The following ST7 variants were observed in gnomAD, a reference collection of about 807,000 sequenced individuals.
ST7 encodes suppression of tumorigenicity 7.
Under a neutral mutation model 78.7 loss-of-function variants are expected in ST7, and 28 were observed. That is an observed-to-expected ratio of 0.36 (90% CI 0.26 to 0.49). ST7 has a LOEUF of 0.49. Among genes scored for constraint, ST7 ranks in the 20% least tolerant of loss-of-function variants. The pLI is 0.99. For missense variants in ST7, 418 were observed against 696.0 expected, an observed-to-expected ratio of 0.60 and a Z score of 4.49; for synonymous variants, 247 against 249.6, an observed-to-expected ratio of 0.99 and a Z score of 0.10.
At chr7:117,099,046 CAAAAAAAAAA>C (rs754881472) in intron 1 of ST7, among the ~76,000 whole-genome samples, 1 of 30,830 alleles carries the variant, frequency 3.2e-5, no homozygotes, top group African/African-American at 1.7e-4. Flanking sequence ...CTCACTTTCG[CAAAAAAAAAA>C]AAAAAAAAAC....
At chr7:116,987,746 C>A (rs917457244) in intron 1 of ST7, among the ~76,000 whole-genome samples, 5 of 152,176 alleles carry the variant, frequency 3.3e-5, no homozygotes, top group Non-Finnish European at 7.3e-5. Flanking sequence ...TCTTTTGACA[C>A]GGAGTCTCAC....
intron 12 of ST7, 129 bp downstream of exon 12, chr7:117,191,065 T>G (rs1809729154): frequency 1.4e-6 from 1 of 727,176 alleles, no homozygotes; most frequent in Non-Finnish European, 2.3e-6. Flanking sequence ...TGAGACCCTG[T>G]ATAATGTATG....
At chr7:117,084,267 TAG>T (rs1270477005) in intron 1 of ST7, among the ~76,000 whole-genome samples, 6 of 152,106 alleles carry the variant, frequency 3.9e-5, no homozygotes, top group Non-Finnish European at 1.5e-5. Flanking sequence ...GGTGGCAGTG[TAG>T]AGTTTGGGTT....
In ST7 at chr7:117,189,334, A is replaced by G; in HGVS notation, c.1092A>G (p.Pro364=). 1 of 1,609,016 alleles carries G rather than the reference A, an allele frequency of 6.2e-7. No homozygotes were observed. The highest frequency in any genetic ancestry group is 1.1e-5 in the South Asian group (1 of 90,116). Residue 364 remains proline, a synonymous_variant, in exon 11 of 16, where the codon CCA becomes CCG. Transcript: ENST00000323984. ...VLAKYDDISL[P]KSATICYTAA... ...TTTCTCCAACAGATATAAGCTTACCAAAGTCAGCAACAATATGCTACACAG... is the reference window on the plus strand; with the variant it reads ...TTTCTCCAACAGATATAAGCTTACCGAAGTCAGCAACAATATGCTACACAG...
intron 1 of ST7, chr7:116,972,127 T>C: frequency 1.8e-6 from 1 of 551,134 alleles, no homozygotes; most frequent in East Asian, 4.0e-5. Flanking sequence ...AGAGTCAGGG[T>C]CAGAGGGAGG....
intron 1 of ST7, among the ~76,000 whole-genome samples, chr7:116,969,354 G>T (rs1585061717): frequency 6.6e-6 from 1 of 152,174 alleles, no homozygotes. Context: ...TACCAGTCAA[G>T]AATTTTTTAG....
chr7:117,137,267 A>G (rs1017034920), intron 8 of ST7: 1 of 152,172 alleles, frequency 6.6e-6, no homozygotes, highest in Non-Finnish European at 1.5e-5. Flanking sequence ...GTATGTCCTC[A>G]CATGTACCAC....
intron 12 of ST7, among the ~76,000 whole-genome samples, chr7:117,194,626 T>C (rs534929323): frequency 4.6e-5 from 7 of 152,352 alleles, no homozygotes; most frequent in Admixed American, 4.6e-4. Context: ...TTTAATGGGA[T>C]TAAAATAGCT....
intron 1 of ST7, among the ~76,000 whole-genome samples, chr7:117,021,619 T>G (rs566386481): frequency 2.0e-5 from 3 of 152,340 alleles, no homozygotes; most frequent in South Asian, 2.1e-4. Context: ...TGTTTGTGCA[T>G]AGCTGATTAT....
In ST7 at chr7:116,953,828, G is replaced by C. The variant is rs997140012; in HGVS notation, c.151+137G>C. On this transcript the variant is annotated intron_variant, in intron 1 of 15. Transcript: ENST00000323984. ...GCGCACCGGAGGCCCGCGGCTACCCGCCAGCAACGCGGCGGCTTAGGCGGC... is the reference window on the plus strand; with the variant it reads ...GCGCACCGGAGGCCCGCGGCTACCCCCCAGCAACGCGGCGGCTTAGGCGGC... 8 of 480,874 alleles carry C rather than the reference G, an allele frequency of 1.7e-5. No homozygotes were observed. The African/African-American group carries it at 1.7e-4, about 10-fold the overall frequency. 29.8% of individuals were successfully genotyped at this position (480,874 alleles called of 1,614,324 possible). A position where few individuals can be genotyped will look rare whatever the true frequency, so the allele number is the denominator to read the frequency against.
intron 6 of ST7, among the ~76,000 whole-genome samples, chr7:117,133,739 G>T (rs1233111243): frequency 6.6e-6 from 1 of 151,572 alleles, no homozygotes; most frequent in African/African-American, 2.4e-5. Context: ...TAGCTCTCCT[G>T]ACATTATTCT....
chr7:117,221,737 G>A (rs986885962), intron 14 of ST7, among the ~76,000 whole-genome samples, 186 bp from the exon 15 acceptor site: 2 of 152,094 alleles, frequency 1.3e-5, no homozygotes, highest in Non-Finnish European at 2.9e-5. Flanking sequence ...GGAGACTTGC[G>A]ACCAGCAGAT....
At chr7:117,024,797 T>C (rs1352477641) in intron 1 of ST7, among the ~76,000 whole-genome samples, 1 of 152,138 alleles carries the variant, frequency 6.6e-6, no homozygotes. Context: ...CTCCCTGCCA[T>C]TCCCTGGATA....
chr7:117,196,162 A>C (rs898417233), intron 12 of ST7, among the ~76,000 whole-genome samples: 2 of 152,198 alleles, frequency 1.3e-5, no homozygotes, highest in Non-Finnish European at 2.9e-5. Context: ...TTATCCACTC[A>C]TCTGTCCATG....
At chr7:117,009,220 T>C (rs1795275565) in intron 1 of ST7, among the ~76,000 whole-genome samples, 1 of 151,484 alleles carries the variant, frequency 6.6e-6, no homozygotes, top group Admixed American at 6.6e-5. Context: ...ATGCTACAGC[T>C]AAGAAATTCC....
intron 1 of ST7, among the ~76,000 whole-genome samples, chr7:117,012,704 A>G (rs1300524876): frequency 6.6e-6 from 1 of 152,132 alleles, no homozygotes; most frequent in Non-Finnish European, 1.5e-5. Flanking sequence ...AATTAAGATA[A>G]TCTATCTAGT....
intron 1 of ST7, among the ~76,000 whole-genome samples, chr7:117,077,230 G>A (rs997034174): frequency 5.9e-5 from 9 of 152,168 alleles, no homozygotes; most frequent in East Asian, 1.9e-4. Context: ...CACAGGATGC[G>A]GGGTGGGGCA....
chr7:117,031,846 CTATATCTA>C (rs373697320), intron 1 of ST7, among the ~76,000 whole-genome samples: 32,192 of 64,364 alleles, frequency 0.5, 9,452 homozygotes, highest in South Asian at 0.62. Context: ...ATATCTATAT[CTATATCTA>C]TATCTATCTA....
chr7:117,088,764 G>A (rs1239290536), intron 1 of ST7, among the ~76,000 whole-genome samples: 1 of 152,182 alleles, frequency 6.6e-6, no homozygotes, highest in East Asian at 1.9e-4. Context: ...ATGCTGTGAA[G>A]AGCCCTTTGG....
Sources: allele counts gnomAD v4.1 joint callset (sites outside exome capture counted in the v4.1 genomes callset), GRCh38; gene constraint gnomAD v4.1.1; transcripts MANE v1.5; gene names NCBI Gene and HGNC (gene_info 2026-07-23, HGNC 2026-07-21).